CAST: variants seen among roughly 807,000 people sequenced by gnomAD.
CAST encodes MIR583 host.
Under a neutral mutation model 119.6 loss-of-function variants are expected in CAST, and 76 were observed. That is an observed-to-expected ratio of 0.64 (90% CI 0.53 to 0.77). The LOEUF (loss-of-function observed/expected upper bound fraction) is 0.77. Ranked by LOEUF, CAST falls within the 30% of genes least tolerant of loss-of-function variation. The probability of loss-of-function intolerance (pLI) is 0.00; values close to 1 mark genes in which losing one functional copy is unlikely to be tolerated. For synonymous variants in CAST, 319 were observed against 331.6 expected, an observed-to-expected ratio of 0.96 and a Z score of 0.41; for missense variants, 953 against 946.5, an observed-to-expected ratio of 1.01 and a Z score of -0.09.
intron 1 of CAST, among the ~76,000 whole-genome samples, chr5:96,557,606 C>G (rs965171250): frequency 1.3e-5 from 2 of 151,176 alleles, no homozygotes; most frequent in South Asian, 4.2e-4. Flanking sequence ...TCAAAAGAGA[C>G]AAGGCCATTA....
the CAST span, among the ~76,000 whole-genome samples, chr5:96,119,289 G>C: frequency 6.6e-6 from 1 of 152,076 alleles, no homozygotes; most frequent in Admixed American, 6.6e-5. Flanking sequence ...ATTTTTAAAA[G>C]TTTTCAGCAT....
At chr5:96,558,190 G>A (rs1278817893) in intron 1 of CAST, among the ~76,000 whole-genome samples, 1 of 151,962 alleles carries the variant, frequency 6.6e-6, no homozygotes, top group South Asian at 2.1e-4. Context: ...AGAATCTCTG[G>A]GACACATTCA....
At chr5:96,503,686 A>C in the CAST span, among the ~76,000 whole-genome samples, 1 of 152,094 alleles carries the variant, frequency 6.6e-6, no homozygotes, top group Non-Finnish European at 1.5e-5. Context: ...TCTATTGAAA[A>C]ATGCGGACTC....
At chr5:96,592,910 G>A (rs1308759260) in intron 1 of CAST, among the ~76,000 whole-genome samples, 2 of 151,908 alleles carry the variant, frequency 1.3e-5, no homozygotes, top group South Asian at 2.1e-4. Flanking sequence ...GACTACAGGC[G>A]CCTGCCACCA....
the CAST span, among the ~76,000 whole-genome samples, chr5:96,242,815 A>G: frequency 6.6e-6 from 1 of 152,234 alleles, no homozygotes; most frequent in Non-Finnish European, 1.5e-5. Context: ...TGACTTGACC[A>G]TAAAAGATGG....
At chr5:96,715,153 TTGTAA>T (rs1756976656) in intron 3 of CAST, 1 of 152,222 alleles carries the variant, frequency 6.6e-6, no homozygotes, top group Admixed American at 6.5e-5. Context: ...AACTGTTTCC[TTGTAA>T]TGTATTTTAT....
the CAST span, among the ~76,000 whole-genome samples, chr5:96,191,717 A>T: frequency 6.6e-6 from 1 of 152,062 alleles, no homozygotes; most frequent in African/African-American, 2.4e-5. Flanking sequence ...CTGCAGGCGC[A>T]CGCCACCACA....
At chr5:96,572,540 A>T (rs1746590209) in intron 1 of CAST, among the ~76,000 whole-genome samples, 1 of 152,110 alleles carries the variant, frequency 6.6e-6, no homozygotes, top group Non-Finnish European at 1.5e-5. Flanking sequence ...CTTTGTGCAA[A>T]AGCTATAGGT....
chr5:95,993,000 A>G, the CAST span, among the ~76,000 whole-genome samples: 113 of 152,318 alleles, frequency 7.4e-4, 1 homozygote, highest in African/African-American at 2.1e-3. Flanking sequence ...TTAAAAATTA[A>G]AATAGATTTC....
At chr5:96,083,016 A>G in the CAST span, among the ~76,000 whole-genome samples, 13 of 152,228 alleles carry the variant, frequency 8.5e-5, no homozygotes, top group Admixed American at 3.3e-4. Flanking sequence ...TATTTCACTC[A>G]GTGTTCTCCA....
At chr5:96,535,635 G>C (rs1290018767) in intron 1 of CAST, among the ~76,000 whole-genome samples, 4 of 145,940 alleles carry the variant, frequency 2.7e-5, no homozygotes, top group African/African-American at 1.0e-4. Context: ...GTGCAGTGGC[G>C]CGATCTCGGC....
the CAST span, among the ~76,000 whole-genome samples, chr5:96,013,053 T>G: frequency 2.6e-5 from 4 of 152,180 alleles, no homozygotes; most frequent in African/African-American, 4.8e-5. Flanking sequence ...AATAAATCAT[T>G]ATTAAGTCTT....
At chr5:96,695,657 A>G (rs1753195826) in intron 2 of CAST, 179 bp from the exon 3 acceptor site, 1 of 471,730 alleles carries the variant, frequency 2.1e-6, no homozygotes, top group Non-Finnish European at 4.0e-6. Flanking sequence ...TCATTTCAAT[A>G]TTTGTATCAT....
the CAST span, among the ~76,000 whole-genome samples, chr5:96,237,219 G>T: frequency 1.3e-5 from 2 of 152,118 alleles, no homozygotes; most frequent in Non-Finnish European, 2.9e-5. Context: ...CCCTAAAGAG[G>T]CTAATTCTGC....
At chr5:96,324,206 CA>C in the CAST span, among the ~76,000 whole-genome samples, 3 of 152,204 alleles carry the variant, frequency 2.0e-5, no homozygotes, top group Non-Finnish European at 4.4e-5. Flanking sequence ...AATTATCAGG[CA>C]ATATCCTCTT....
At chr5:96,199,718 T>G in the CAST span, among the ~76,000 whole-genome samples, 1 of 152,328 alleles carries the variant, frequency 6.6e-6, no homozygotes, top group South Asian at 2.1e-4. Context: ...TGTATTTTGT[T>G]GTTGTTAGAA....
chr5:96,771,322 G>A (rs1772231102), intron 30 of CAST, among the ~76,000 whole-genome samples: 1 of 152,084 alleles, frequency 6.6e-6, no homozygotes, highest in Non-Finnish European at 1.5e-5. Context: ...ATGACCCTAT[G>A]TACAGGAAAG....
chr5:96,768,136 T>C, intron 29 of CAST, 137 bp downstream of exon 29: 1 of 687,114 alleles, frequency 1.5e-6, no homozygotes, highest in Non-Finnish European at 2.6e-6. Flanking sequence ...CAGGCTGGAG[T>C]GCAGTGGTGT....
chr5:96,458,135 A>G, the CAST span, among the ~76,000 whole-genome samples: 3 of 152,156 alleles, frequency 2.0e-5, no homozygotes, highest in East Asian at 1.9e-4. Context: ...AAAGCTAAGA[A>G]TGGTTGTTAC....
Sources: allele counts gnomAD v4.1 joint callset (sites outside exome capture counted in the v4.1 genomes callset), GRCh38; gene constraint gnomAD v4.1.1; transcripts MANE v1.5; gene names NCBI Gene and HGNC (gene_info 2026-07-23, HGNC 2026-07-21).